ZNF532: variants seen among roughly 807,000 people sequenced by gnomAD.
ZNF532 encodes the protein zinc finger protein 532.
Under a neutral mutation model 89.3 loss-of-function variants are expected in ZNF532, and 22 were observed. The observed-to-expected ratio is 0.25, with a 90% CI of 0.18 to 0.35. The LOEUF (loss-of-function observed/expected upper bound fraction) is 0.35, where lower values mean the gene tolerates loss of function less well. Among genes scored for constraint, ZNF532 ranks in the 10% least tolerant of loss-of-function variants. The probability of loss-of-function intolerance (pLI) is 1.00; values close to 1 mark genes in which losing one functional copy is unlikely to be tolerated. For synonymous variants in ZNF532, 606 were observed against 649.6 expected (o/e 0.93, Z 1.02); for missense variants, 1,132 against 1,643.4 (o/e 0.69, Z 5.38).
intron 7 of ZNF532, among the ~76,000 whole-genome samples, chr18:58,962,168 G>A (rs867224760): frequency 6.6e-6 from 1 of 152,020 alleles, no homozygotes; most frequent in Admixed American, 6.6e-5. Flanking sequence ...GAAGGTTGCG[G>A]TGAGCCGAGA....
rs530398532 is a variant in ZNF532 at position 58,892,142 on chromosome 18, G to A, written c.-17-26129G>A. On this transcript the variant is annotated intron_variant, in intron 2 of 9. Coordinates refer to ENST00000591808, the MANE Select transcript of ZNF532 (RefSeq NM_001375912.1). ...CATTTCTCTCATCTTTCATTTTATC[G>A]TGAGTTAAACATATATCTTCAGGAT... is the stretch of plus-strand genomic sequence containing the variant. Among the ~76,000 whole-genome samples, 28 of 152,210 alleles carry A rather than the reference G, an allele frequency of 1.8e-4. 1 individual carries two copies. In the South Asian group the frequency reaches 5.0e-3, roughly 27 times the overall value.
intron 2 of ZNF532, among the ~76,000 whole-genome samples, chr18:58,888,876 T>TATAAAATATATATATTATATATATAAAA (rs1348542840): frequency 2.4e-5 from 1 of 42,328 alleles, no homozygotes; most frequent in Admixed American, 3.7e-4. Flanking sequence ...ATAATATATA[T>TATAAAATATATATATTATATATATAAAA]TATATATATA....
chr18:58,876,775 G>A (rs2057464308), intron 2 of ZNF532, among the ~76,000 whole-genome samples: 1 of 152,188 alleles, frequency 6.6e-6, no homozygotes, highest in African/African-American at 2.4e-5. Context: ...AAGTGACTTT[G>A]GGCCTAGTGC....
chr18:58,885,401 AT>A (rs1373973068), intron 2 of ZNF532, among the ~76,000 whole-genome samples: 3 of 152,184 alleles, frequency 2.0e-5, no homozygotes, highest in African/African-American at 7.2e-5. Flanking sequence ...ATTGTAGGAA[AT>A]TTATTATTAT....
intron 4 of ZNF532, 116 bp from the exon 5 acceptor site, chr18:58,939,329 G>GA (rs1230633638): frequency 9.3e-6 from 5 of 537,472 alleles, no homozygotes; most frequent in Non-Finnish European, 3.0e-6. Flanking sequence ...ATATACTTCC[G>GA]AAGGGCCATT....
Position 58,983,997 on chromosome 18 carries a change from A to T in ZNF532, c.3437A>T (p.Glu1146Val), listed in dbSNP as rs756511419. Residue 1146 changes from glutamate to valine, a missense_variant, in exon 10 of 10, where the codon GAA (glutamate) becomes GTA (valine). Around this residue, in one of 9 missense-constraint regions of ZNF532, gnomAD observed 415 missense variants for 604.8 expected, o/e 0.69. Transcript: ENST00000591808. ...TKVPSPKRKL[E>V]EPVLEFRPPR... is the part of the protein sequence containing the mutation. ...GTCCCCAGTCCCAAGCGGAAGTTGG[A>T]AGAACCAGTTCTGGAGTTCAGGCCT... 6 of 1,610,074 alleles carry T rather than the reference A, an allele frequency of 3.7e-6. No homozygotes were observed. The highest frequency in any genetic ancestry group is 5.1e-6 in the Non-Finnish European group (6 of 1,178,868).
At chr18:58,923,687 C>T (rs967244625) in intron 3 of ZNF532, among the ~76,000 whole-genome samples, 1 of 152,108 alleles carries the variant, frequency 6.6e-6, no homozygotes, top group Non-Finnish European at 1.5e-5. Context: ...GACTGTTGGC[C>T]AGTTTACAGT....
intron 3 of ZNF532, among the ~76,000 whole-genome samples, chr18:58,923,077 G>A (rs919632798): frequency 2.7e-5 from 4 of 150,904 alleles, no homozygotes; most frequent in Non-Finnish European, 4.5e-5. Flanking sequence ...GGAATCCCAA[G>A]GAGTGAATCA....
chr18:58,957,046 T>C (rs1278346425), intron 7 of ZNF532, among the ~76,000 whole-genome samples: 1 of 152,208 alleles, frequency 6.6e-6, no homozygotes, highest in Non-Finnish European at 1.5e-5. Flanking sequence ...ATCTAACTCC[T>C]CTTAGACTTA....
intron 2 of ZNF532, among the ~76,000 whole-genome samples, chr18:58,888,890 T>A (rs1043597623): frequency 0.029 from 979 of 34,272 alleles, 92 homozygotes; most frequent in East Asian, 0.17. Context: ...ATATATATAT[T>A]TTATATATAT....
intron 2 of ZNF532, among the ~76,000 whole-genome samples, chr18:58,866,684 G>A (rs2056492326): frequency 6.6e-6 from 1 of 152,198 alleles, no homozygotes; most frequent in South Asian, 2.1e-4. Flanking sequence ...AATTGGTTAA[G>A]TTGTGTGCTG....
intron 2 of ZNF532, among the ~76,000 whole-genome samples, chr18:58,880,771 C>CGTGTGTGTGTGTGGGT: frequency 6.9e-6 from 1 of 145,372 alleles, no homozygotes; most frequent in African/African-American, 2.5e-5. Context: ...CACGCGCGCG[C>CGTGTGTGTGTGTGGGT]GTCTGTGTGT....
At chr18:58,943,317 G>A (rs751837386) in intron 5 of ZNF532, among the ~76,000 whole-genome samples, 3 of 151,460 alleles carry the variant, frequency 2.0e-5, no homozygotes, top group Non-Finnish European at 4.4e-5. Context: ...CCACCATCAC[G>A]CCTGGCTAAT....
chr18:58,939,327 C>A, intron 4 of ZNF532, 118 bp from the exon 5 acceptor site: 1 of 578,426 alleles, frequency 1.7e-6, no homozygotes, highest in Non-Finnish European at 2.8e-6. Flanking sequence ...AAATATACTT[C>A]CGAAGGGCCA....
chr18:58,884,296 G>T (rs557431853), intron 2 of ZNF532, among the ~76,000 whole-genome samples: 17 of 152,366 alleles, frequency 1.1e-4, no homozygotes, highest in Admixed American at 2.6e-4. Context: ...CAGGAGAAGC[G>T]CTTGAACCTG....
intron 3 of ZNF532, among the ~76,000 whole-genome samples, chr18:58,924,257 G>C (rs970834164): frequency 1.3e-5 from 2 of 152,246 alleles, no homozygotes; most frequent in Admixed American, 1.3e-4. Context: ...AGTCTACACT[G>C]TAACTTTTTT....
At chr18:58,946,437 A>G (rs1305568262) in intron 5 of ZNF532, among the ~76,000 whole-genome samples, 1 of 151,754 alleles carries the variant, frequency 6.6e-6, no homozygotes, top group African/African-American at 2.4e-5. Flanking sequence ...ACACCCAGCT[A>G]ATTTTTTGTA....
intron 2 of ZNF532, among the ~76,000 whole-genome samples, chr18:58,875,630 C>G (rs1568215734): frequency 2.6e-5 from 4 of 152,164 alleles, no homozygotes. Context: ...CAGTATTAAT[C>G]ACAGGTTTGC....
chr18:58,916,673 C>T (rs1198246595), intron 2 of ZNF532: 1 of 984,754 alleles, frequency 1.0e-6, no homozygotes, highest in Non-Finnish European at 1.2e-6. Context: ...ATTTCGCCTT[C>T]AACAGTAGTT....
Sources: allele counts gnomAD v4.1 joint callset (sites outside exome capture counted in the v4.1 genomes callset), GRCh38; gene constraint gnomAD v4.1.1; regional missense constraint gnomAD v4.1.1; transcripts MANE v1.5; gene names NCBI Gene and HGNC (gene_info 2026-07-23, HGNC 2026-07-21).